The following ZSWIM4 variants were observed in gnomAD, a reference collection of about 807,000 sequenced individuals.
ZSWIM4 encodes the protein zinc finger SWIM-type containing 4, also known as zinc finger SWIM domain-containing protein 4.
In ZSWIM4, 62 loss-of-function variants were observed where a neutral mutation model predicts 102.5. The observed-to-expected ratio is 0.60, with a 90% CI of 0.49 to 0.75. The LOEUF is 0.75. Ranked by LOEUF, ZSWIM4 falls within the 30% of genes least tolerant of loss-of-function variation. The pLI is 0.00. For synonymous variants in ZSWIM4, 652 were observed against 674.5 expected (o/e 0.97, Z 0.52); for missense variants, 1,280 against 1,529.6 (o/e 0.84, Z 2.72).
intron 12 of ZSWIM4, among the ~76,000 whole-genome samples, chr19:13,828,261 T>G (rs1181032111): frequency 6.6e-6 from 1 of 151,892 alleles, no homozygotes; most frequent in Non-Finnish European, 1.5e-5. Flanking sequence ...ATACAAAAAT[T>G]AGCTGAGCAT....
chr19:13,812,988 C>G lies in ZSWIM4; in HGVS notation c.1013-9C>G. 2 of 1,596,020 alleles carry G rather than the reference C, an allele frequency of 1.3e-6. No homozygotes were observed. Among genetic ancestry groups the G allele is most frequent in the Non-Finnish European group, 1.7e-6 (2 of 1,167,094 alleles). The stretch of plus-strand genomic sequence containing the variant: ...GCAGGAATATTGAGCCTGCCCCGTG[C>G]CTCCTCAGGGGCCCTGTGGGTTTGC... On this transcript the variant is annotated splice_polypyrimidine_tract_variant and intron_variant, in intron 5 of 13. Transcript: ENST00000590508.
intron 5 of ZSWIM4, among the ~76,000 whole-genome samples, chr19:13,810,875 G>C (rs1044923091): frequency 2.0e-5 from 3 of 147,852 alleles, no homozygotes; most frequent in African/African-American, 7.6e-5. Context: ...TTCCCAAAGG[G>C]TTGGGATTAC....
intron 7 of ZSWIM4, among the ~76,000 whole-genome samples, 194 bp from the exon 8 acceptor site, chr19:13,817,022 T>C (rs542773777): frequency 1.3e-5 from 2 of 152,132 alleles, no homozygotes; most frequent in South Asian, 4.2e-4. Context: ...TGAGCTATGA[T>C]TGGGCCACTG....
At chr19:13,813,307 G>A in intron 6 of ZSWIM4, 143 bp downstream of exon 6, 2 of 726,898 alleles carry the variant, frequency 2.8e-6, no homozygotes, top group Non-Finnish European at 4.4e-6. Context: ...GTTCTTCCAG[G>A]ACTAATCCCA....
At chr19:13,799,685 AC>A in intron 1 of ZSWIM4, 34 bp from the exon 2 acceptor site, 1 of 1,608,080 alleles carries the variant, frequency 6.2e-7, no homozygotes, top group Middle Eastern at 1.7e-4. Context: ...GATTACATCA[AC>A]CCCAGGCTCC....
intron 5 of ZSWIM4, among the ~76,000 whole-genome samples, chr19:13,812,558 CG>C (rs1975133078): frequency 6.7e-6 from 1 of 149,726 alleles, no homozygotes. Context: ...CTCCCGGGTT[CG>C]AGCCATTCTC....
intron 5 of ZSWIM4, among the ~76,000 whole-genome samples, chr19:13,810,082 C>G (rs1221456901): frequency 6.6e-6 from 1 of 151,458 alleles, no homozygotes; most frequent in Non-Finnish European, 1.5e-5. Context: ...GCAAGCTCCG[C>G]CCTCCGGGTT....
intron 11 of ZSWIM4, among the ~76,000 whole-genome samples, chr19:13,824,052 A>G (rs893184850): frequency 6.7e-6 from 1 of 149,278 alleles, no homozygotes. Flanking sequence ...AAAGTGAGAG[A>G]GAGGAGGCTG....
Position 13,817,915 on chromosome 19 carries a change from G to A in ZSWIM4, c.1863G>A (p.Glu621=). ...AGCAGCTGCTGGCCCTGCTGGAGGAGGTGGAGTTGGATGAGCGGTTGGTGC... is the reference window on the plus strand; with the variant it reads ...AGCAGCTGCTGGCCCTGCTGGAGGAAGTGGAGTTGGATGAGCGGTTGGTGC... The part of the protein sequence containing the change: ...NEEQLLALLE[E]VELDERLVQV... The change falls in exon 9 of 14, where the codon GAG becomes GAA. Residue 621 remains glutamate, a synonymous_variant. Coordinates refer to ENST00000590508, the MANE Select transcript of ZSWIM4 (RefSeq NM_001367834.3). The A allele has an allele frequency of 6.5e-7, 1 of 1,547,168 alleles. No homozygotes were observed. Among genetic ancestry groups the A allele is most frequent in the Non-Finnish European group, 8.7e-7 (1 of 1,144,916 alleles).
chr19:13,825,607 C>T lies in ZSWIM4; in HGVS notation c.2273C>T (p.Pro758Leu), dbSNP rs757394570. The change falls in exon 12 of 14, where the codon CCG (proline) becomes CTG (leucine). Residue 758 changes from proline (P) to leucine (L), a missense_variant. Pro to Leu is a moderately conservative substitution (Grantham distance 98). Transcript: ENST00000590508. The surrounding 1 kb of genome is among the most constrained non-coding windows in gnomAD (Gnocchi z 4.6). ...LGSIQQNIHS[P>L]ALLFKLAQDA... Reference sequence around the variant, plus strand: ...TCCATCCAGCAGAACATCCACTCTCCGGCCCTGCTCTTTAAGCTGGCGCAG... The same window carrying T: ...TCCATCCAGCAGAACATCCACTCTCTGGCCCTGCTCTTTAAGCTGGCGCAG... 12 of 1,614,202 alleles carry T rather than the reference C, an allele frequency of 7.4e-6. No homozygotes were observed. Among genetic ancestry groups the T allele is most frequent in the Middle Eastern group, 1.6e-4 (1 of 6,062 alleles).
chr19:13,810,953 AC>A (rs1975069251), intron 5 of ZSWIM4, among the ~76,000 whole-genome samples: 2 of 107,132 alleles, frequency 1.9e-5, no homozygotes, highest in African/African-American at 7.9e-5. Flanking sequence ...TTGCTTTGTC[AC>A]CCAGGCTGTA....
At chr19:13,806,410 A>C (rs113182385) in intron 3 of ZSWIM4, among the ~76,000 whole-genome samples, 2 of 151,912 alleles carry the variant, frequency 1.3e-5, no homozygotes, top group African/African-American at 4.8e-5. Flanking sequence ...GCTCATACCT[A>C]TAATCCCAGC....
At chr19:13,797,193 T>C (rs914905280) in intron 1 of ZSWIM4, among the ~76,000 whole-genome samples, 4 of 152,196 alleles carry the variant, frequency 2.6e-5, no homozygotes, top group Non-Finnish European at 5.9e-5. Flanking sequence ...TTGTTCTTGT[T>C]CCCACTTTGA....
intron 12 of ZSWIM4, among the ~76,000 whole-genome samples, chr19:13,827,006 C>T (rs774298515): frequency 5.9e-5 from 9 of 152,074 alleles, no homozygotes; most frequent in East Asian, 3.9e-4. Context: ...GGAATAGGGC[C>T]GGGCACAGTG....
chr19:13,829,918 C>CCA, intron 13 of ZSWIM4, among the ~76,000 whole-genome samples: 1 of 152,082 alleles, frequency 6.6e-6, no homozygotes, highest in East Asian at 1.9e-4. Flanking sequence ...GAATGGCTGG[C>CCA]CAGCATGGAG....
intron 10 of ZSWIM4, 152 bp downstream of exon 10, chr19:13,819,644 TTTCA>T: frequency 1.7e-6 from 1 of 584,640 alleles, no homozygotes; most frequent in Non-Finnish European, 2.5e-6. Context: ...GCCATGTGCT[TTTCA>T]TTATTATTAT....
Position 13,814,690 on chromosome 19 carries a change from C to G in ZSWIM4, c.1356C>G (p.Asp452Glu). The G allele has an allele frequency of 7.8e-7, 1 of 1,284,312 alleles. No individual in the cohort carries two copies. Among genetic ancestry groups the G allele is most frequent in the Non-Finnish European group, 1.0e-6 (1 of 985,184 alleles). 79.6% of individuals were successfully genotyped at this position (1,284,312 alleles called of 1,614,324 possible). ...TGGGTGGGGACAAACCGACTTTCGA[C>G]CCCCAGGGCCGCCCACTGTGGCTGG... Reference protein sequence around the residue: ...GSVGGDKPTFDPQGRPLWLGE... With the variant: ...GSVGGDKPTFEPQGRPLWLGE... The change falls in exon 7 of 14, where the codon GAC (aspartate) becomes GAG (glutamate). Residue 452 changes from aspartate (D) to glutamate (E), a missense_variant. Asp to Glu is a conservative substitution (Grantham distance 45, BLOSUM62 2). Coordinates refer to ENST00000590508, the MANE Select transcript of ZSWIM4 (RefSeq NM_001367834.3).
intron 13 of ZSWIM4, 86 bp downstream of exon 13, chr19:13,828,812 G>A (rs1029938866): frequency 3.4e-5 from 47 of 1,376,074 alleles, no homozygotes; most frequent in Non-Finnish European, 4.3e-5. Flanking sequence ...ACAAGAAAGA[G>A]AGAAGTGGCG....
At chr19:13,829,492 G>A (rs1164747619) in intron 13 of ZSWIM4, among the ~76,000 whole-genome samples, 1 of 152,068 alleles carries the variant, frequency 6.6e-6, no homozygotes, top group African/African-American at 2.4e-5. Flanking sequence ...TCGGGAGGCT[G>A]AGGCAGGAGA....
Sources: allele counts gnomAD v4.1 joint callset (sites outside exome capture counted in the v4.1 genomes callset), GRCh38; gene constraint gnomAD v4.1.1; non-coding constraint Gnocchi (gnomAD v3.1); transcripts MANE v1.5; gene names NCBI Gene and HGNC (gene_info 2026-07-23, HGNC 2026-07-21).